The following STXBP5L variants were observed in gnomAD, a reference collection of about 807,000 sequenced individuals.
STXBP5L encodes the protein syntaxin binding protein 5L.
A neutral mutation model predicts 144.5 loss-of-function variants in STXBP5L; 65 were observed. That is an observed-to-expected ratio of 0.45 (90% confidence interval 0.37 to 0.55). The LOEUF is 0.55. STXBP5L is among the 20% of genes least tolerant of loss of function. The pLI is 0.00. For synonymous variants in STXBP5L, 505 were observed against 469.6 expected (o/e 1.08, Z -0.97); for missense variants, 1,298 against 1,405.5 (o/e 0.92, Z 1.22).
In STXBP5L at chr3:121,032,275, T is replaced by A. The variant is rs58288382; in HGVS notation, c.288-9425T>A. Among the ~76,000 whole-genome samples, 1,174 of 146,296 alleles carry A rather than the reference T, an allele frequency of 8.0e-3. 12 individuals are homozygous for A. Among genetic ancestry groups the A allele is most frequent in the African/African-American group, 0.028 (1,131 of 39,948 alleles). On this transcript the variant is annotated intron_variant, in intron 3 of 26. Coordinates refer to ENST00000471454, the MANE Select transcript of STXBP5L (RefSeq NM_001308330.2). ...CAAAAAAAAAAAAGAAATTGGAGAGTCTTGTTATTATAAAAAGCCAAAGGA... is the reference window on the plus strand; with the variant it reads ...CAAAAAAAAAAAAGAAATTGGAGAGACTTGTTATTATAAAAAGCCAAAGGA...
intron 20 of STXBP5L, among the ~76,000 whole-genome samples, chr3:121,371,789 G>T (rs1035872176): frequency 3.9e-5 from 6 of 152,232 alleles, no homozygotes; most frequent in African/African-American, 1.4e-4. Flanking sequence ...ACTATTTTCT[G>T]TGCCTAATTT....
In STXBP5L at chr3:121,374,419, C is replaced by T. The variant is rs73855378; in HGVS notation, c.2177-4297C>T. On this transcript the variant is annotated intron_variant, in intron 20 of 26. Transcript: ENST00000471454. ...ACAAAAAATCAAGAAAACATGATAC[C>T]TCCAAAGGAACACAATAATTCTCCA... is the stretch of plus-strand genomic sequence containing the variant. Among the ~76,000 whole-genome samples the T allele has an allele frequency of 7.1e-3, 1,074 of 152,078 alleles. 8 individuals carry two copies. Among genetic ancestry groups the T allele is most frequent in the African/African-American group, 0.025 (1,036 of 41,454 alleles).
intron 25 of STXBP5L, among the ~76,000 whole-genome samples, chr3:121,416,979 G>A (rs973783074): frequency 2.0e-5 from 3 of 151,998 alleles, no homozygotes; most frequent in African/African-American, 7.3e-5. Context: ...AATATTATTT[G>A]GCCATGAAAA....
At chr3:121,294,699 C>T (rs955560541) in intron 19 of STXBP5L, among the ~76,000 whole-genome samples, 8 of 151,896 alleles carry the variant, frequency 5.3e-5, no homozygotes, top group African/African-American at 1.9e-4. Flanking sequence ...ATAGAGATAT[C>T]AGGAATTTCA....
intron 20 of STXBP5L, among the ~76,000 whole-genome samples, chr3:121,368,646 T>G (rs192555793): frequency 2.0e-4 from 30 of 152,308 alleles, no homozygotes; most frequent in African/African-American, 7.2e-4. Flanking sequence ...TTGCTGTTAT[T>G]GCTTTAGGTT....
chr3:121,153,923 T>C (rs2046025618), intron 8 of STXBP5L, among the ~76,000 whole-genome samples: 1 of 151,866 alleles, frequency 6.6e-6, no homozygotes, highest in Non-Finnish European at 1.5e-5. Flanking sequence ...TGGATAGTGC[T>C]CCTTCTCTTC....
At position 120,955,176 on chromosome 3, in the gene STXBP5L, A is replaced by G. The variant is rs1576479476; in HGVS notation, c.287+139A>G. The G allele has an allele frequency of 5.7e-5, 36 of 633,152 alleles. No individual in the cohort carries two copies. In the East Asian group the frequency reaches 1.0e-3, roughly 18 times the overall value. The allele number at this position is 633,152 out of a possible 1,614,324, so 39.2% of individuals were successfully genotyped here. A position where few individuals can be genotyped will look rare whatever the true frequency, so the allele number is the denominator to read the frequency against. ...TGAGTAACTATTGTGAAAAATCTGCACTTTCAAATTTATTGGCATATTTTT... is the reference window on the plus strand; with the variant it reads ...TGAGTAACTATTGTGAAAAATCTGCGCTTTCAAATTTATTGGCATATTTTT... On this transcript the variant is annotated intron_variant, in intron 3 of 26. Transcript: ENST00000471454.
chr3:121,208,430 T>C (rs2048425588), intron 10 of STXBP5L, among the ~76,000 whole-genome samples: 1 of 152,078 alleles, frequency 6.6e-6, no homozygotes, highest in Admixed American at 6.6e-5. Context: ...CATGTATACA[T>C]ATGTAACAAA....
At chr3:121,331,165 G>A (rs188412884) in intron 20 of STXBP5L, among the ~76,000 whole-genome samples, 18 of 152,314 alleles carry the variant, frequency 1.2e-4, no homozygotes, top group Non-Finnish European at 2.1e-4. Context: ...GGCAGGTCTT[G>A]AGTACCAAAC....
At chr3:121,330,438 AC>A (rs1031421755) in intron 20 of STXBP5L, among the ~76,000 whole-genome samples, 2 of 152,160 alleles carry the variant, frequency 1.3e-5, no homozygotes, top group African/African-American at 4.8e-5. Context: ...TAGAGTGCAG[AC>A]TTAACCTGAC....
At chr3:121,021,161 T>G (rs1368676713) in intron 3 of STXBP5L, among the ~76,000 whole-genome samples, 1 of 151,840 alleles carries the variant, frequency 6.6e-6, no homozygotes, top group African/African-American at 2.4e-5. Context: ...GCAACAGCAG[T>G]TAAAAAAGAG....
intron 2 of STXBP5L, among the ~76,000 whole-genome samples, chr3:120,945,928 G>A (rs1324750299): frequency 1.3e-5 from 2 of 151,740 alleles, no homozygotes; most frequent in South Asian, 2.1e-4. Flanking sequence ...CGCTTTTCCA[G>A]CTCTGGTTTG....
intron 5 of STXBP5L, chr3:121,099,316 A>G (rs907874851): frequency 6.6e-6 from 1 of 152,250 alleles, no homozygotes; most frequent in South Asian, 2.1e-4. Context: ...CTGCAGATAC[A>G]TGATACTGGA....
intron 19 of STXBP5L, among the ~76,000 whole-genome samples, chr3:121,309,240 C>G (rs2043445085): frequency 6.6e-6 from 1 of 151,680 alleles, no homozygotes; most frequent in South Asian, 2.1e-4. Flanking sequence ...CAAGATCTGC[C>G]TATATGCTGT....
At chr3:121,173,576 G>C (rs1242688313) in intron 9 of STXBP5L, among the ~76,000 whole-genome samples, 1 of 151,882 alleles carries the variant, frequency 6.6e-6, no homozygotes, top group Non-Finnish European at 1.5e-5. Flanking sequence ...ATAGCCTACT[G>C]TTGACCAGAA....
At chr3:121,139,461 G>C (rs2045403662) in intron 7 of STXBP5L, among the ~76,000 whole-genome samples, 2 of 152,046 alleles carry the variant, frequency 1.3e-5, no homozygotes, top group Non-Finnish European at 2.9e-5. Context: ...GGCGGAATAT[G>C]AATTAACTTA....
At chr3:121,332,860 C>A (rs535617422) in intron 20 of STXBP5L, among the ~76,000 whole-genome samples, 3 of 147,450 alleles carry the variant, frequency 2.0e-5, no homozygotes, top group African/African-American at 7.6e-5. Context: ...ATGATAAGAA[C>A]GTGAAAAAAA....
intron 10 of STXBP5L, among the ~76,000 whole-genome samples, chr3:121,207,992 C>G (rs1023263282): frequency 1.3e-5 from 2 of 152,020 alleles, no homozygotes; most frequent in Non-Finnish European, 2.9e-5. Flanking sequence ...GGTATATACC[C>G]AAAGGATTAT....
chr3:121,316,213 C>G (rs534908897), intron 19 of STXBP5L, among the ~76,000 whole-genome samples: 1 of 151,966 alleles, frequency 6.6e-6, no homozygotes, highest in Non-Finnish European at 1.5e-5. Context: ...GGTTTTGACA[C>G]GTTGTAAATT....
Sources: allele counts gnomAD v4.1 joint callset (sites outside exome capture counted in the v4.1 genomes callset), GRCh38; gene constraint gnomAD v4.1.1; transcripts MANE v1.5; gene names NCBI Gene and HGNC (gene_info 2026-07-23, HGNC 2026-07-21).